NBPF11: variants seen among roughly 807,000 people sequenced by gnomAD.
NBPF11 encodes the protein NBPF member 11.
NBPF11 carries 72 observed loss-of-function variants against 93.9 expected under a neutral mutation model. The observed-to-expected ratio is 0.77, with a 90% CI of 0.63 to 0.93. The LOEUF is 0.93. NBPF11 is among the 40% of genes least tolerant of loss of function. The probability of loss-of-function intolerance (pLI) is 0.00; values close to 1 mark genes in which losing one functional copy is unlikely to be tolerated. For missense variants in NBPF11, 705 were observed against 802.2 expected (o/e 0.88, Z 1.46); for synonymous variants, 224 against 304.9 (o/e 0.73, Z 2.76).
chr1:148,146,885 C>T, intron 1 of NBPF11: 5 of 1,613,484 alleles, frequency 3.1e-6, no homozygotes, highest in Non-Finnish European at 3.4e-6. Context: ...AACCTCTATG[C>T]CGACATCGAC....
chr1:148,146,827 T>C lies in NBPF11; in HGVS notation c.-548-3141A>G. 8 of 1,613,734 alleles carry C rather than the reference T, an allele frequency of 5.0e-6. No individual in the cohort carries two copies. The East Asian group carries it at 6.7e-5, about 13-fold the overall frequency. ...CCGCCTCCACTGCAACATCTTCACC[T>C]ACGACTCCTCCGGCTACGGTGCCAG... On this transcript the variant is annotated intron_variant, in intron 1 of 23. Transcript: ENST00000682118.
chr1:148,119,948 A>C (rs2149226222), intron 10 of NBPF11, among the ~76,000 whole-genome samples: 1 of 125,026 alleles, frequency 8.0e-6, no homozygotes, highest in South Asian at 2.6e-4. Context: ...GCCACCATGC[A>C]CGGCCCCTAC....
chr1:148,108,510 C>T lies in NBPF11; in HGVS notation c.1998G>A (p.Gln666=), dbSNP rs1485570743. 30 of 1,596,762 alleles carry T rather than the reference C, an allele frequency of 1.9e-5. No individual in the cohort carries two copies. Among genetic ancestry groups the T allele is most frequent in the Non-Finnish European group, 2.4e-5 (28 of 1,167,396 alleles). Residue 666 remains glutamine, a synonymous_variant, in exon 18 of 24, where the codon CAG becomes CAA. Transcript: ENST00000682118. Reference sequence around the variant, plus strand: ...CCATGTCAACAGCCAAGCCAATACGCTGTTGCTCCAATACGTAAAAGGCAC... The same window carrying T: ...CCATGTCAACAGCCAAGCCAATACGTTGTTGCTCCAATACGTAAAAGGCAC... The part of the protein sequence containing the change: ...YRSAFYVLEQ[Q]RIGLAVDMDE...
chr1:148,103,563 C>G lies in NBPF11; in HGVS notation c.*333G>C. 1.3e-6 allele frequency: 2 copies of G among 1,593,438 alleles called. No individual in the cohort carries two copies. The highest frequency in any genetic ancestry group is 8.6e-7 in the Non-Finnish European group (1 of 1,167,274). On this transcript the variant is annotated 3_prime_UTR_variant, in exon 24 of 24. Coordinates refer to ENST00000682118, the MANE Select transcript of NBPF11 (RefSeq NM_001385469.3). The stretch of plus-strand genomic sequence containing the variant: ...AGGAATAGAGCCATGCCCACTGACC[C>G]ATCCTATGTCTGGGCTTCCAAATGG...
chr1:148,106,489 G>A (rs1411300757), intron 20 of NBPF11, among the ~76,000 whole-genome samples: 2 of 140,562 alleles, frequency 1.4e-5, no homozygotes, highest in Admixed American at 1.4e-4. Flanking sequence ...AAACAGTTAT[G>A]CCTTATTGTT....
chr1:148,108,039 C>T (rs1298457657), intron 18 of NBPF11, among the ~76,000 whole-genome samples: 4 of 150,412 alleles, frequency 2.7e-5, no homozygotes, highest in Admixed American at 6.7e-5. Flanking sequence ...TTTTTCCAAT[C>T]GATTTAAAGC....
Position 148,132,723 on chromosome 1 carries a change from C to CTTTTTTTTTTTTTTT in NBPF11, c.-36+2934_-36+2948dup. On this transcript the variant is annotated intron_variant, in intron 4 of 23. Coordinates refer to ENST00000682118, the MANE Select transcript of NBPF11 (RefSeq NM_001385469.3). ...CCTTACATAAATTTTGTTGACTTTC[C>CTTTTTTTTTTTTTTT]TTTTTTTTTTTTTTTTTTTTTTTTT... 2.4e-4 allele frequency among the ~76,000 whole-genome samples: 8 copies of CTTTTTTTTTTTTTTT among 33,224 alleles called. 3 individuals carry two copies. The highest frequency in any genetic ancestry group is 4.5e-4 in the Non-Finnish European group (7 of 15,660). 21.8% of individuals were successfully genotyped at this position (33,224 alleles called of 152,430 possible).
At chr1:148,105,640 AT>A (rs1261429236) in intron 21 of NBPF11, 112 bp from the exon 22 acceptor site, 1 of 676,748 alleles carries the variant, frequency 1.5e-6, no homozygotes, top group Non-Finnish European at 2.6e-6. Flanking sequence ...AAAAGGATAG[AT>A]CTATTAATGA....
intron 4 of NBPF11, chr1:148,129,418 C>A (rs2486976): frequency 0.14 from 20,824 of 151,216 alleles, 1,745 homozygotes; most frequent in South Asian, 0.19. Flanking sequence ...CCGCCTCCCC[C>A]ACCCGCCAGC....
chr1:148,150,455 C>T (rs1368282533), intron 1 of NBPF11, among the ~76,000 whole-genome samples: 3 of 150,304 alleles, frequency 2.0e-5, no homozygotes, highest in East Asian at 1.9e-4. Flanking sequence ...AGTAACTTTT[C>T]GAAGATTTCT....
chr1:148,114,833 T>G (rs1468751730), intron 14 of NBPF11, among the ~76,000 whole-genome samples: 1 of 150,952 alleles, frequency 6.6e-6, no homozygotes, highest in South Asian at 2.1e-4. Flanking sequence ...CCAGGTAACA[T>G]GGACATTAAA....
intron 9 of NBPF11, among the ~76,000 whole-genome samples, chr1:148,121,407 C>G (rs202124230): frequency 0.11 from 15,149 of 144,196 alleles, 1,160 homozygotes; most frequent in East Asian, 0.3. Flanking sequence ...GAGTGCAGTG[C>G]CACAGTCTCG....
intron 4 of NBPF11, among the ~76,000 whole-genome samples, chr1:148,133,622 T>C (rs1670794263): frequency 6.6e-6 from 1 of 152,032 alleles, no homozygotes; most frequent in African/African-American, 2.4e-5. Flanking sequence ...GCCCTGGTAA[T>C]ATATAAAATG....
rs1288419490 is a variant in NBPF11, at chr1:148,116,519, G to A, written c.1323C>T (p.Asp441=). The A allele has an allele frequency of 3.4e-4, 245 of 729,026 alleles. 1 individual carries two copies. In the East Asian group the frequency reaches 4.4e-3, roughly 13 times the overall value. The allele number at this position is 729,026 out of a possible 1,614,324, so 45.2% of individuals were successfully genotyped here. ...CCACCTCAACTTGAACATCTTCATC[G>A]TCATCGTTATCATTTTCTGTAAATA... ...QKLSPENDND[D]DEDVQVEVAE... Residue 441 remains aspartate (D), a synonymous_variant, in exon 13 of 24, where the codon GAC becomes GAT. Coordinates refer to ENST00000682118, the MANE Select transcript of NBPF11 (RefSeq NM_001385469.3).
intron 3 of NBPF11, among the ~76,000 whole-genome samples, chr1:148,136,150 T>C (rs1671244810): frequency 6.6e-6 from 1 of 151,930 alleles, no homozygotes; most frequent in African/African-American, 2.4e-5. Context: ...ATAAACACTT[T>C]GGGAAAAAAC....
intron 13 of NBPF11, 40 bp downstream of exon 13, chr1:148,116,423 T>C: frequency 1.4e-6 from 1 of 694,032 alleles, no homozygotes; most frequent in East Asian, 2.6e-5. Context: ...ATTCTTCATA[T>C]GTTACCATCC....
chr1:148,146,839 G>C, intron 1 of NBPF11: 2 of 1,613,692 alleles, frequency 1.2e-6, no homozygotes, highest in Non-Finnish European at 1.7e-6. Flanking sequence ...CGACTCCTCC[G>C]GCTACGGTGC....
rs1265278851 is a variant in NBPF11 at position 148,138,095 on chromosome 1, GTGAACAAA to G, written c.-276-294_-276-287del. ...GGAGAGAAGATCAGCAGGTAAACAC[GTGAACAAA>G]TGTCTCTGCATCATAAACAAGGTAA... On this transcript the variant is annotated intron_variant, in intron 2 of 23. Transcript: ENST00000682118. Among the ~76,000 whole-genome samples, 572 of 146,796 alleles carry G rather than the reference GTGAACAAA, an allele frequency of 3.9e-3. 10 individuals carry two copies. Among genetic ancestry groups the G allele is most frequent in the African/African-American group, 0.013 (508 of 38,936 alleles).
rs2149164865 is a variant in NBPF11 at position 148,105,414 on chromosome 1, T to G, written c.2418A>C (p.Glu806Asp). The part of the protein sequence containing the change: ...LNSLTPASPT[E>D]VPFMHWRKNM... ...TTTTCCTCCAATGCATAAAAGGAAC[T>G]TCCGTAGGGCTGGCAGGAGTCAGGC... The change falls in exon 22 of 24, where the codon GAA becomes GAC. Residue 806 changes from glutamate to aspartate, a missense_variant. This residue lies in a region of NBPF11 where 109 missense variants were observed against 83.3 expected (regional missense o/e 1.31). Transcript: ENST00000682118. 1 of 1,102,674 alleles carries G rather than the reference T, an allele frequency of 9.1e-7. No individual in the cohort carries two copies. 68.3% of individuals were successfully genotyped at this position (1,102,674 alleles called of 1,614,324 possible).
Sources: allele counts gnomAD v4.1 joint callset (sites outside exome capture counted in the v4.1 genomes callset), GRCh38; gene constraint gnomAD v4.1.1; regional missense constraint gnomAD v4.1.1; transcripts MANE v1.5; gene names NCBI Gene and HGNC (gene_info 2026-07-23, HGNC 2026-07-21).